Variants in CCNY observed in about 807,000 individuals in gnomAD.
CCNY encodes the protein cyclin Y.
Under a neutral mutation model 42.8 loss-of-function variants are expected in CCNY, and 19 were observed. The observed-to-expected ratio is 0.44, with a 90% CI of 0.31 to 0.65. The LOEUF is 0.65. Among genes scored for constraint, CCNY ranks in the 30% least tolerant of loss-of-function variants. The pLI, the probability that CCNY is intolerant of heterozygous loss-of-function variation, is 0.07. For synonymous variants in CCNY, 165 were observed against 162.7 expected (o/e 1.01, Z -0.11); for missense variants, 370 against 437.3 (o/e 0.85, Z 1.37).
chr10:35,320,690 A>G (rs1253404225), intron 3 of CCNY, among the ~76,000 whole-genome samples: 1 of 152,266 alleles, frequency 6.6e-6, no homozygotes, highest in Non-Finnish European at 1.5e-5. Flanking sequence ...CTATCTGCAG[A>G]TGACATGATT....
intron 1 of CCNY, among the ~76,000 whole-genome samples, chr10:35,383,316 T>C (rs867011310): frequency 4.0e-4 from 61 of 152,198 alleles, no homozygotes; most frequent in African/African-American, 1.4e-3. Flanking sequence ...TCTTTTCTTT[T>C]TTTTTTTTTA....
chr10:35,323,637 G>A (rs1042922293), intron 3 of CCNY, among the ~76,000 whole-genome samples: 4 of 152,192 alleles, frequency 2.6e-5, no homozygotes, highest in African/African-American at 9.7e-5. Context: ...GACCAGGGAC[G>A]AGTACCAGGG....
intron 3 of CCNY, among the ~76,000 whole-genome samples, chr10:35,309,131 A>G (rs1835651049): frequency 3.3e-5 from 5 of 152,226 alleles, no homozygotes; most frequent in Admixed American, 1.3e-4. Context: ...AGCCATGCAG[A>G]GGGAAAGGCT....
chr10:35,252,983 C>T (rs1218950040), intron 3 of CCNY, among the ~76,000 whole-genome samples: 1 of 152,148 alleles, frequency 6.6e-6, no homozygotes, highest in Non-Finnish European at 1.5e-5. Context: ...AATTTTACCA[C>T]TACAAAACCA....
chr10:35,415,471 C>G (rs1476737612), intron 1 of CCNY, among the ~76,000 whole-genome samples: 2 of 151,664 alleles, frequency 1.3e-5, no homozygotes, highest in Non-Finnish European at 2.9e-5. Context: ...GAAACTCTTT[C>G]CTGAAGGCAG....
chr10:35,465,498 T>G (rs1839240394), intron 1 of CCNY, among the ~76,000 whole-genome samples: 1 of 152,224 alleles, frequency 6.6e-6, no homozygotes, highest in Non-Finnish European at 1.5e-5. Context: ...AAATTTGAAC[T>G]GTTGAGATGT....
At chr10:35,404,340 G>C (rs747792426) in intron 1 of CCNY, among the ~76,000 whole-genome samples, 4 of 152,184 alleles carry the variant, frequency 2.6e-5, no homozygotes, top group Non-Finnish European at 5.9e-5. Flanking sequence ...CTTTGGCTGT[G>C]TGTAATGAAA....
At position 35,451,046 on chromosome 10, in the gene CCNY, T is replaced by C. The variant is rs182322316; in HGVS notation, c.155-32358T>C. On this transcript the variant is annotated intron_variant, in intron 1 of 9. Transcript: ENST00000374704. ...TTTGGTTTTTAAAACTTTATCTATT[T>C]ATTGTACCTTTAAAACAAATACATT... Among the ~76,000 whole-genome samples, 19 of 152,390 alleles carry C rather than the reference T, an allele frequency of 1.2e-4. No individual in the cohort carries two copies. The East Asian group carries it at 3.7e-3, about 29-fold the overall frequency.
At chr10:35,520,033 G>A (rs1255516307) in intron 4 of CCNY, among the ~76,000 whole-genome samples, 1 of 152,066 alleles carries the variant, frequency 6.6e-6, no homozygotes, top group Non-Finnish European at 1.5e-5. Context: ...CCAAAGTGCT[G>A]AGATTATAGG....
At position 35,373,593 on chromosome 10, in the gene CCNY, AC is replaced by A. The variant is rs528173315; in HGVS notation, c.154+36390del. On this transcript the variant is annotated intron_variant, in intron 1 of 9. Transcript: ENST00000374704. ...TGCTCCCCTGCAGACAGCAAAACCA[AC>A]CCCTCTTCTTCCTCATCTTCCTTCA... is the stretch of plus-strand genomic sequence containing the variant. 2.6e-5 allele frequency among the ~76,000 whole-genome samples: 4 copies of A among 152,216 alleles called. No individual in the cohort carries two copies. The South Asian group carries it at 8.3e-4, about 32-fold the overall frequency.
intron 1 of CCNY, among the ~76,000 whole-genome samples, chr10:35,399,792 A>G (rs1325032634): frequency 6.6e-6 from 1 of 152,140 alleles, no homozygotes; most frequent in Non-Finnish European, 1.5e-5. Context: ...TCCCAGTAAT[A>G]TGCTCCCTTC....
upstream of CCNY, among the ~76,000 whole-genome samples, chr10:35,335,773 A>G (rs1425914245): frequency 2.7e-5 from 4 of 150,852 alleles, no homozygotes; most frequent in Non-Finnish European, 5.9e-5. Context: ...GGGAGATCCC[A>G]TCTCTACAAA....
chr10:35,475,181 T>C (rs1839479331), intron 1 of CCNY, among the ~76,000 whole-genome samples: 1 of 151,812 alleles, frequency 6.6e-6, no homozygotes, highest in Non-Finnish European at 1.5e-5. Flanking sequence ...CTGAAAGTGA[T>C]GGGGAGAATG....
At chr10:35,350,570 T>C (rs1272594789) in intron 1 of CCNY, among the ~76,000 whole-genome samples, 1 of 152,196 alleles carries the variant, frequency 6.6e-6, no homozygotes, top group Non-Finnish European at 1.5e-5. Context: ...AGCTGCAGCA[T>C]GATGACCTGG....
At chr10:35,292,323 T>C (rs756893224) in intron 3 of CCNY, among the ~76,000 whole-genome samples, 4 of 152,176 alleles carry the variant, frequency 2.6e-5, no homozygotes, top group Admixed American at 1.3e-4. Flanking sequence ...ATTTTCTTGA[T>C]GGTATCTTTT....
intron 1 of CCNY, among the ~76,000 whole-genome samples, chr10:35,401,979 T>G (rs904828677): frequency 6.6e-6 from 1 of 152,198 alleles, no homozygotes; most frequent in African/African-American, 2.4e-5. Flanking sequence ...TGCAGGTCAC[T>G]GGGAATATGA....
intron 4 of CCNY, among the ~76,000 whole-genome samples, chr10:35,525,527 G>A (rs926903169): frequency 2.0e-5 from 3 of 152,188 alleles, no homozygotes; most frequent in Non-Finnish European, 2.9e-5. Flanking sequence ...GGGAAAAATA[G>A]CAGACTTCTT....
At chr10:35,247,681 C>A (rs2095709036) in intron 1 of CCNY, among the ~76,000 whole-genome samples, 3 of 151,428 alleles carry the variant, frequency 2.0e-5, no homozygotes, top group Admixed American at 2.0e-4. Flanking sequence ...TCGAGACCAT[C>A]CTGGCTAACA....
chr10:35,498,011 C>A (rs542504375), intron 2 of CCNY, among the ~76,000 whole-genome samples: 1 of 152,124 alleles, frequency 6.6e-6, no homozygotes, highest in Non-Finnish European at 1.5e-5. Flanking sequence ...CAGTCACACT[C>A]ATGACTGTAA....
Sources: allele counts gnomAD v4.1 joint callset (sites outside exome capture counted in the v4.1 genomes callset), GRCh38; gene constraint gnomAD v4.1.1; transcripts MANE v1.5; gene names NCBI Gene and HGNC (gene_info 2026-07-23, HGNC 2026-07-21).